Variants in ZRANB3 observed in about 807,000 individuals in gnomAD.
ZRANB3 encodes DNA annealing helicase and endonuclease ZRANB3.
ZRANB3 carries 125 observed loss-of-function variants against 133.8 expected under a neutral mutation model. The observed-to-expected ratio is 0.93, with a 90% CI of 0.81 to 1.08. ZRANB3 has a LOEUF of 1.08. Ranked by LOEUF, ZRANB3 falls within the 50% of genes least tolerant of loss-of-function variation. ZRANB3 has a pLI of 0.00. For synonymous variants in ZRANB3, 387 were observed against 432.7 expected (o/e 0.89, Z 1.31); for missense variants, 1,229 against 1,275.5 (o/e 0.96, Z 0.56).
chr2:135,506,728 G>T (rs1282792117), intron 1 of ZRANB3, among the ~76,000 whole-genome samples: 1 of 152,054 alleles, frequency 6.6e-6, no homozygotes, highest in African/African-American at 2.4e-5. Flanking sequence ...CTCAATGGAA[G>T]GTTTAAACAG....
At chr2:135,486,561 T>C (rs1245294575) in intron 2 of ZRANB3, among the ~76,000 whole-genome samples, 1 of 151,958 alleles carries the variant, frequency 6.6e-6, no homozygotes, top group Non-Finnish European at 1.5e-5. Flanking sequence ...GTTGCATAGG[T>C]TGAAGTGCAG....
At chr2:135,369,786 C>T (rs1386521621) in intron 3 of ZRANB3, among the ~76,000 whole-genome samples, 1 of 152,076 alleles carries the variant, frequency 6.6e-6, no homozygotes, top group Admixed American at 6.6e-5. Flanking sequence ...CAATAAACTC[C>T]TCAATTTTCG....
chr2:135,421,740 A>T (rs1332711705), intron 2 of ZRANB3, among the ~76,000 whole-genome samples: 2 of 152,142 alleles, frequency 1.3e-5, no homozygotes, highest in African/African-American at 4.8e-5. Flanking sequence ...TGACCTGATC[A>T]TTAGTTAGTA....
chr2:135,387,134 A>G (rs1378238557), intron 3 of ZRANB3, among the ~76,000 whole-genome samples: 2 of 152,176 alleles, frequency 1.3e-5, no homozygotes, highest in Non-Finnish European at 2.9e-5. Flanking sequence ...CAATACTCCA[A>G]GTGAGTATTC....
intron 6 of ZRANB3, among the ~76,000 whole-genome samples, chr2:135,336,158 T>G (rs1684361505): frequency 2.0e-5 from 3 of 152,238 alleles, no homozygotes. Flanking sequence ...TGAGTAATAC[T>G]TCTGCTGTCT....
At chr2:135,489,022 G>A (rs546494454) in intron 2 of ZRANB3, among the ~76,000 whole-genome samples, 1 of 152,044 alleles carries the variant, frequency 6.6e-6, no homozygotes, top group South Asian at 2.1e-4. Flanking sequence ...GAGAATAGGT[G>A]TTAGTCTATA....
chr2:135,443,743 G>A (rs1395809816), intron 2 of ZRANB3, among the ~76,000 whole-genome samples: 1 of 152,020 alleles, frequency 6.6e-6, no homozygotes, highest in Non-Finnish European at 1.5e-5. Context: ...TCAAGGTCAT[G>A]AAGGATAAGG....
chr2:135,225,401 A>G (rs890153557), intron 14 of ZRANB3, among the ~76,000 whole-genome samples: 3 of 152,208 alleles, frequency 2.0e-5, no homozygotes, highest in East Asian at 3.8e-4. Flanking sequence ...TTTTCTAATC[A>G]AGGCATTGCC....
intron 8 of ZRANB3, among the ~76,000 whole-genome samples, chr2:135,278,094 G>A (rs186412572): frequency 1.3e-5 from 2 of 152,162 alleles, no homozygotes; most frequent in East Asian, 3.9e-4. Flanking sequence ...TGAAGGGCAT[G>A]AGTTTCCAAA....
intron 2 of ZRANB3, among the ~76,000 whole-genome samples, chr2:135,489,030 A>G (rs998681607): frequency 7.2e-5 from 11 of 152,058 alleles, no homozygotes; most frequent in African/African-American, 2.7e-4. Context: ...GTGTTAGTCT[A>G]TAACATTGCT....
At chr2:135,434,566 T>C (rs190066472) in intron 2 of ZRANB3, among the ~76,000 whole-genome samples, 17 of 152,368 alleles carry the variant, frequency 1.1e-4, no homozygotes, top group African/African-American at 3.4e-4. Context: ...GTTTCTCTTA[T>C]AGCCCAGTTA....
rs373954904 is a variant in ZRANB3 at position 135,324,397 on chromosome 2, C to T, written c.678-8867G>A. On this transcript the variant is annotated intron_variant, in intron 6 of 20. Coordinates refer to ENST00000264159, the MANE Select transcript of ZRANB3 (RefSeq NM_032143.4). ...GTTTCCAGCTTCATCCATGTCCCAA[C>T]AAAGGACATGAACTCATCATTTTTT... 4.8e-4 allele frequency among the ~76,000 whole-genome samples: 73 copies of T among 152,254 alleles called. 2 individuals are homozygous for T. In the South Asian group the frequency reaches 0.015, roughly 31 times the overall value.
chr2:135,386,285 T>C (rs1227404616), intron 3 of ZRANB3, among the ~76,000 whole-genome samples: 1 of 152,100 alleles, frequency 6.6e-6, no homozygotes, highest in Non-Finnish European at 1.5e-5. Context: ...ATCAAAACCA[T>C]AATGAGATAC....
Position 135,202,938 on chromosome 2 carries a change from C to T in ZRANB3, c.3035G>A (p.Gly1012Glu). 1 of 1,612,844 alleles carries T rather than the reference C, an allele frequency of 6.2e-7. No homozygotes were observed. Reference sequence around the variant, plus strand: ...ATCCACCTGCCAGAAATGTCCTTCCCCTGGGTTTCTTATCATTTCATTTAG... The same window carrying T: ...ATCCACCTGCCAGAAATGTCCTTCCTCTGGGTTTCTTATCATTTCATTTAG... The part of the protein sequence containing the change: ...EQLNEMIRNP[G>E]EGHFWQVDHI... Residue 1012 changes from glycine to glutamate, a missense_variant, in exon 20 of 21, where the codon GGG (glycine) becomes GAG (glutamate). Transcript: ENST00000264159.
At chr2:135,312,446 A>T (rs949235188) in intron 8 of ZRANB3, among the ~76,000 whole-genome samples, 4 of 152,144 alleles carry the variant, frequency 2.6e-5, no homozygotes, top group Non-Finnish European at 5.9e-5. Context: ...TTACAAAAAA[A>T]ATCTCAGAAT....
At chr2:135,222,003 A>G (rs1040945473) in intron 15 of ZRANB3, among the ~76,000 whole-genome samples, 1 of 152,234 alleles carries the variant, frequency 6.6e-6, no homozygotes, top group Non-Finnish European at 1.5e-5. Context: ...AAAACCTGTA[A>G]CTGAAAGTTT....
intron 17 of ZRANB3, 56 bp downstream of exon 17, chr2:135,217,409 T>C: frequency 6.7e-7 from 1 of 1,487,040 alleles, no homozygotes; most frequent in Non-Finnish European, 8.9e-7. Context: ...GACCCCCCTG[T>C]AGAAAGAACC....
At chr2:135,249,899 C>A (rs976397335) in intron 12 of ZRANB3, among the ~76,000 whole-genome samples, 2 of 152,056 alleles carry the variant, frequency 1.3e-5, no homozygotes, top group African/African-American at 4.8e-5. Context: ...TAAACTGGTA[C>A]CAGTAGAGTG....
intron 8 of ZRANB3, among the ~76,000 whole-genome samples, chr2:135,310,344 C>G (rs1003708654): frequency 1.3e-5 from 2 of 152,048 alleles, no homozygotes; most frequent in Non-Finnish European, 2.9e-5. Context: ...ACATACATTG[C>G]CAATTGGTTT....
Sources: allele counts gnomAD v4.1 joint callset (sites outside exome capture counted in the v4.1 genomes callset), GRCh38; gene constraint gnomAD v4.1.1; transcripts MANE v1.5; gene names NCBI Gene and HGNC (gene_info 2026-07-23, HGNC 2026-07-21).